Variants in FAM168B observed in about 807,000 individuals in gnomAD.
The protein encoded by FAM168B is family with sequence similarity 168 member B, also known as myelin-associated neurite-outgrowth inhibitor.
In FAM168B, 19 loss-of-function variants were observed where a neutral mutation model predicts 21.8. That is an observed-to-expected ratio of 0.87 (90% CI 0.61 to 1.28). FAM168B has a LOEUF of 1.28. Among genes scored for constraint, FAM168B ranks in the 50% most tolerant of loss-of-function variants. FAM168B has a pLI of 0.00. For synonymous variants in FAM168B, 126 were observed against 104.8 expected, an observed-to-expected ratio of 1.20 and a Z score of -1.24; for missense variants, 233 against 263.1, an observed-to-expected ratio of 0.89 and a Z score of 0.79.
Position 131,048,116 on chromosome 2 carries a change from G to A in FAM168B, c.*4349C>T. 8.8e-7 allele frequency: 1 copy of A among 1,134,372 alleles called. No homozygotes were observed. The highest frequency in any genetic ancestry group is 1.1e-6 in the Non-Finnish European group (1 of 876,992). The allele number at this position is 1,134,372 out of a possible 1,614,324, so 70.3% of individuals were successfully genotyped here. On this transcript the variant is annotated 3_prime_UTR_variant, in exon 7 of 7. Transcript: ENST00000389915. ...GCCTTTAACACTGGAAGACAATGCTGACTTAGCTTAAAAAAAGTACCGAGA... is the reference window on the plus strand; with the variant it reads ...GCCTTTAACACTGGAAGACAATGCTAACTTAGCTTAAAAAAAGTACCGAGA...
chr2:131,073,344 C>T (rs908583588), intron 2 of FAM168B, among the ~76,000 whole-genome samples: 5 of 152,142 alleles, frequency 3.3e-5, no homozygotes, highest in Non-Finnish European at 5.9e-5. Context: ...CCACCTGCCT[C>T]GGCCTCCCAA....
intron 1 of FAM168B, among the ~76,000 whole-genome samples, chr2:131,089,101 G>C (rs573556995): frequency 2.6e-5 from 4 of 151,924 alleles, no homozygotes; most frequent in African/African-American, 9.7e-5. Context: ...TGAGTAGCTG[G>C]GATTACAGGC....
rs748459323 is a variant in FAM168B, at chr2:131,071,889, G to A, written c.120C>T (p.Asn40=). Residue 40 remains asparagine, a synonymous_variant, in exon 3 of 7, where the codon AAC becomes AAT. Coordinates refer to ENST00000389915, the MANE Select transcript of FAM168B (RefSeq NM_001009993.4). ...YAAAAPAYSP[N]MYPGANPTFQ... is the part of the protein sequence containing the mutation. Reference sequence around the variant, plus strand: ...AGGTAGGATTCGCTCCAGGATACATGTTAGGAGAATAGGCAGGAGCTGCTG... The same window carrying A: ...AGGTAGGATTCGCTCCAGGATACATATTAGGAGAATAGGCAGGAGCTGCTG... The A allele has an allele frequency of 6.2e-7, 1 of 1,614,070 alleles. No individual in the cohort carries two copies. Among genetic ancestry groups the A allele is most frequent in the South Asian group, 1.1e-5 (1 of 91,080 alleles).
chr2:131,072,889 G>A (rs1692945236), intron 2 of FAM168B, among the ~76,000 whole-genome samples: 1 of 152,106 alleles, frequency 6.6e-6, no homozygotes, highest in Non-Finnish European at 1.5e-5. Flanking sequence ...ACAAAGTCTG[G>A]AAGAATCAGA....
At chr2:131,078,159 C>T (rs986757352) in intron 2 of FAM168B, among the ~76,000 whole-genome samples, 3 of 152,034 alleles carry the variant, frequency 2.0e-5, no homozygotes, top group Non-Finnish European at 4.4e-5. Flanking sequence ...GACCATGTGA[C>T]GGAAAAACAA....
intron 2 of FAM168B, among the ~76,000 whole-genome samples, chr2:131,074,841 ATT>A (rs1693056448): frequency 6.6e-6 from 1 of 152,080 alleles, no homozygotes; most frequent in African/African-American, 2.4e-5. Context: ...CCCTTGCTCT[ATT>A]GCCCTGCATC....
chr2:131,061,849 A>T (rs1692315336), intron 3 of FAM168B, among the ~76,000 whole-genome samples: 1 of 152,140 alleles, frequency 6.6e-6, no homozygotes, highest in South Asian at 2.1e-4. Flanking sequence ...GGCCATCAGC[A>T]GGAAGGATTC....
intron 3 of FAM168B, among the ~76,000 whole-genome samples, chr2:131,056,167 A>G (rs1692011233): frequency 1.3e-5 from 2 of 152,318 alleles, no homozygotes; most frequent in Middle Eastern, 6.8e-3. Flanking sequence ...TTGTTACAGC[A>G]AAAACAGGAG....
rs374948559 is a variant in FAM168B at position 131,055,535 on chromosome 2, G to C, written c.297+18C>G. The C allele has an allele frequency of 1.8e-4, 287 of 1,602,684 alleles. No individual in the cohort carries two copies. The highest frequency in any genetic ancestry group is 1.0e-3 in the Middle Eastern group (6 of 5,984). On this transcript the variant is annotated intron_variant, in intron 4 of 6. Coordinates refer to ENST00000389915, the MANE Select transcript of FAM168B (RefSeq NM_001009993.4). ...TGGTATCACCCCTTCCCACACAGCA[G>C]TGTGTACCCAAGCATACCTGTGCAT...
intron 1 of FAM168B, 79 bp from the exon 2 acceptor site, chr2:131,082,736 T>C (rs1050741012): frequency 1.9e-5 from 16 of 837,822 alleles, no homozygotes; most frequent in Non-Finnish European, 2.9e-5. Context: ...AAAAAGCAGG[T>C]AGCTAGAGTC....
At chr2:131,061,447 G>C (rs985243393) in intron 3 of FAM168B, among the ~76,000 whole-genome samples, 13 of 151,964 alleles carry the variant, frequency 8.6e-5, no homozygotes, top group African/African-American at 3.1e-4. Context: ...GAAGTTAGCT[G>C]AAAGGGCCCA....
chr2:131,081,404 T>G (rs1405167398), intron 2 of FAM168B, among the ~76,000 whole-genome samples: 1 of 152,204 alleles, frequency 6.6e-6, no homozygotes, highest in Admixed American at 6.5e-5. Flanking sequence ...CTGCATTCGC[T>G]GCTGTCAGGA....
intron 1 of FAM168B, among the ~76,000 whole-genome samples, chr2:131,092,808 AAAAAAT>A (rs896582047): frequency 6.6e-6 from 1 of 152,200 alleles, no homozygotes; most frequent in Admixed American, 6.5e-5. Flanking sequence ...CCGCCAAGCA[AAAAAAT>A]AAAAATAAAA....
At chr2:131,090,996 C>T (rs1003229391) in intron 1 of FAM168B, among the ~76,000 whole-genome samples, 1 of 152,212 alleles carries the variant, frequency 6.6e-6, no homozygotes, top group Non-Finnish European at 1.5e-5. Context: ...TCCCAAAGTG[C>T]AGGCATTACA....
At chr2:131,089,737 A>G (rs943696202) in intron 1 of FAM168B, among the ~76,000 whole-genome samples, 6 of 138,038 alleles carry the variant, frequency 4.3e-5, no homozygotes, top group African/African-American at 1.6e-4. Context: ...AAAAAGAAAG[A>G]AAAAAGAAAG....
At chr2:131,055,800 C>T (rs986847547) in intron 3 of FAM168B, 105 bp from the exon 4 acceptor site, 9 of 1,386,388 alleles carry the variant, frequency 6.5e-6, no homozygotes, top group South Asian at 4.2e-5. Context: ...CCACGCAACT[C>T]GCCAGACCTG....
intron 5 of FAM168B, among the ~76,000 whole-genome samples, chr2:131,054,410 G>T (rs1263548811): frequency 6.6e-6 from 1 of 152,062 alleles, no homozygotes; most frequent in East Asian, 1.9e-4. Flanking sequence ...CTCCCTCCCT[G>T]TGCCTCAAAC....
intron 1 of FAM168B, among the ~76,000 whole-genome samples, chr2:131,087,265 T>TG (rs1337970180): frequency 6.6e-6 from 1 of 151,960 alleles, no homozygotes; most frequent in South Asian, 2.1e-4. Context: ...GGTCAGGAGT[T>TG]GGAGACCAGC....
At chr2:131,058,915 A>C (rs567193275) in intron 3 of FAM168B, among the ~76,000 whole-genome samples, 11 of 152,318 alleles carry the variant, frequency 7.2e-5, no homozygotes, top group African/African-American at 2.4e-4. Flanking sequence ...ATAAAGAAAA[A>C]GGTAGTGTGA....
Sources: gnomAD v4.1 joint callset for allele counts (sites outside exome capture counted in the v4.1 genomes callset) on GRCh38, gnomAD v4.1.1 for gene constraint, MANE v1.5 for transcripts, NCBI Gene and HGNC (gene_info 2026-07-23, HGNC 2026-07-21) for gene names.